The following SLC2A9 variants were observed in gnomAD, a reference collection of about 807,000 sequenced individuals.
SLC2A9 encodes solute carrier family 2, facilitated glucose transporter member 9.
In SLC2A9, 39 loss-of-function variants were observed where a neutral mutation model predicts 50.6. The ratio of observed to expected loss-of-function variants is 0.77; its 90% CI spans 0.60 to 1.01. The LOEUF (loss-of-function observed/expected upper bound fraction) is 1.01. SLC2A9 is among the 50% of genes least tolerant of loss of function. The pLI, the probability that SLC2A9 is intolerant of heterozygous loss-of-function variation, is 0.00. For missense variants in SLC2A9, 686 were observed against 677.6 expected (o/e 1.01, Z -0.14); for synonymous variants, 324 against 276.9 (o/e 1.17, Z -1.69).
At chr4:9,943,218 G>A (rs535932112) in intron 5 of SLC2A9, among the ~76,000 whole-genome samples, 34 of 152,362 alleles carry the variant, frequency 2.2e-4, no homozygotes, top group Non-Finnish European at 4.0e-4. Flanking sequence ...CAGGGCCCCA[G>A]GGCTCAGAGT....
chr4:9,851,628 T>A (rs1213299204), intron 10 of SLC2A9, among the ~76,000 whole-genome samples: 2 of 152,166 alleles, frequency 1.3e-5, no homozygotes, highest in African/African-American at 4.8e-5. Context: ...GGAATGAAGA[T>A]CACTGAGATT....
chr4:10,019,080 G>GGAGA lies in SLC2A9; in HGVS notation c.151-11_151-8dup. ...GGAGCGAGCAGGACCAGTCCTGAGG[G>GGAGA]GAGAGGAAACCACGTCAGAGCCGGC... On this transcript the variant is annotated splice_polypyrimidine_tract_variant and splice_region_variant and intron_variant, in intron 1 of 11. Coordinates refer to ENST00000264784, the MANE Select transcript of SLC2A9 (RefSeq NM_020041.3). 1 of 1,550,954 alleles carries GGAGA rather than the reference G, an allele frequency of 6.4e-7. No homozygotes were observed. The highest frequency in any genetic ancestry group is 1.2e-5 in the South Asian group (1 of 84,048).
chr4:9,973,346 G>A (rs990382519), intron 5 of SLC2A9, among the ~76,000 whole-genome samples: 1 of 152,108 alleles, frequency 6.6e-6, no homozygotes, highest in Non-Finnish European at 1.5e-5. Flanking sequence ...TGGATTCACA[G>A]CCAAATTCTA....
upstream of SLC2A9, among the ~76,000 whole-genome samples, chr4:10,021,921 C>G (rs1392093850): frequency 6.6e-6 from 1 of 151,756 alleles, no homozygotes; most frequent in Non-Finnish European, 1.5e-5. Flanking sequence ...CTCACTGCAA[C>G]CTCCGCACCT....
At chr4:9,846,142 T>A (rs55864719) in intron 10 of SLC2A9, among the ~76,000 whole-genome samples, 25,754 of 152,142 alleles carry the variant, frequency 0.17, 3,142 homozygotes, top group African/African-American at 0.34. Flanking sequence ...TGGCTCCGAA[T>A]CCAAGAGATC....
At chr4:9,874,260 C>T (rs1462633122) in intron 10 of SLC2A9, among the ~76,000 whole-genome samples, 10 of 151,782 alleles carry the variant, frequency 6.6e-5, no homozygotes, top group Non-Finnish European at 8.8e-5. Flanking sequence ...AAAAAAAATG[C>T]CCCTTTCTCA....
intron 3 of SLC2A9, chr4:9,780,199 A>AG (rs1321615637): frequency 6.6e-6 from 1 of 152,292 alleles, no homozygotes; most frequent in African/African-American, 2.4e-5. Context: ...AGTCACATTC[A>AG]GGAAAGATCA....
intron 6 of SLC2A9, among the ~76,000 whole-genome samples, chr4:9,925,155 C>T (rs1744672020): frequency 6.6e-6 from 1 of 152,218 alleles, no homozygotes; most frequent in Non-Finnish European, 1.5e-5. Flanking sequence ...ATGGCCTTGC[C>T]TCTGTGCCCT....
At chr4:9,873,910 A>AT (rs1733857057) in intron 10 of SLC2A9, among the ~76,000 whole-genome samples, 1 of 152,132 alleles carries the variant, frequency 6.6e-6, no homozygotes, top group African/African-American at 2.4e-5. Flanking sequence ...CATATTCCAC[A>AT]TTTTACCTCT....
intron 5 of SLC2A9, among the ~76,000 whole-genome samples, chr4:9,948,042 T>C (rs1449882853): frequency 6.6e-6 from 1 of 152,018 alleles, no homozygotes; most frequent in African/African-American, 2.4e-5. Context: ...TGGGTACATT[T>C]TAGAACAGCT....
intron 10 of SLC2A9, chr4:9,880,211 C>A (rs1425929295): frequency 2.0e-6 from 2 of 985,336 alleles, no homozygotes; most frequent in Admixed American, 6.1e-5. Flanking sequence ...TTCCCTGAGG[C>A]TTTAAACTGT....
At chr4:9,940,225 T>G (rs1484110504) in intron 6 of SLC2A9, among the ~76,000 whole-genome samples, 1 of 152,186 alleles carries the variant, frequency 6.6e-6, no homozygotes, top group Non-Finnish European at 1.5e-5. Flanking sequence ...TGGTTCTCTC[T>G]CTTAGTCACC....
chr4:9,972,089 T>C (rs1048998823), intron 5 of SLC2A9, among the ~76,000 whole-genome samples: 1 of 152,232 alleles, frequency 6.6e-6, no homozygotes, highest in African/African-American at 2.4e-5. Flanking sequence ...CCAATTGCAA[T>C]GCCCATTCCT....
At chr4:9,890,401 G>T (rs1360517422) in intron 9 of SLC2A9, among the ~76,000 whole-genome samples, 1 of 152,126 alleles carries the variant, frequency 6.6e-6, no homozygotes, top group Non-Finnish European at 1.5e-5. Context: ...CAGAAGTCAG[G>T]TCTCTCATCT....
chr4:9,981,616 G>C (rs1755894503), intron 4 of SLC2A9, among the ~76,000 whole-genome samples: 2 of 152,266 alleles, frequency 1.3e-5, no homozygotes, highest in African/African-American at 4.8e-5. Flanking sequence ...GTGGGTCTCT[G>C]ATCTTAGAAC....
rs181517438 is a variant in SLC2A9, at chr4:9,881,374, G to A, written c.1291+6193C>T. Among the ~76,000 whole-genome samples, 364 of 152,290 alleles carry A rather than the reference G, an allele frequency of 2.4e-3. 3 individuals are homozygous for A. The highest frequency in any genetic ancestry group is 4.2e-3 in the Non-Finnish European group (286 of 68,034). On this transcript the variant is annotated intron_variant, in intron 10 of 11. Coordinates refer to ENST00000264784, the MANE Select transcript of SLC2A9 (RefSeq NM_020041.3). ...GAGCACCACTGCTGTGGCTCTGATG[G>A]TTTATTTAAGGTTCGTTTGACATGA...
downstream of SLC2A9, chr4:9,798,999 A>G (rs1720957022): frequency 1.3e-5 from 2 of 152,266 alleles, no homozygotes; most frequent in Non-Finnish European, 2.9e-5. Context: ...CTCTCCTTCC[A>G]TCACTCCACA....
At chr4:10,023,765 C>T (rs1482482171), upstream of SLC2A9, among the ~76,000 whole-genome samples, 5 of 152,152 alleles carry the variant, frequency 3.3e-5, no homozygotes, top group Admixed American at 6.5e-5. Context: ...TTCATGATAT[C>T]GTTTAGTCCT....
chr4:9,860,606 G>A (rs1731452731), intron 10 of SLC2A9, among the ~76,000 whole-genome samples: 1 of 152,240 alleles, frequency 6.6e-6, no homozygotes, highest in Non-Finnish European at 1.5e-5. Context: ...CTTTAGGAGT[G>A]ACGTTGTCCC....
Sources: gnomAD v4.1 joint callset for allele counts (sites outside exome capture counted in the v4.1 genomes callset) on GRCh38, gnomAD v4.1.1 for gene constraint, MANE v1.5 for transcripts, NCBI Gene and HGNC (gene_info 2026-07-23, HGNC 2026-07-21) for gene names.